IGSF5: variants seen among roughly 807,000 people sequenced by gnomAD.
The protein encoded by IGSF5 is immunoglobulin superfamily member 5, also known as immunoglobulin superfamily 5 like.
IGSF5 carries 41 observed loss-of-function variants against 39.4 expected under a neutral mutation model. That is an observed-to-expected ratio of 1.04 (90% CI 0.81 to 1.35). The LOEUF (loss-of-function observed/expected upper bound fraction) is 1.35. IGSF5 is among the 40% of genes most tolerant of loss of function. The pLI, the probability that IGSF5 is intolerant of heterozygous loss-of-function variation, is 0.00. For synonymous variants in IGSF5, 183 were observed against 175.3 expected, an observed-to-expected ratio of 1.04 and a Z score of -0.34; for missense variants, 487 against 494.6, an observed-to-expected ratio of 0.98 and a Z score of 0.15.
At chr21:39,783,949 G>A (rs2080184242) in intron 5 of IGSF5, among the ~76,000 whole-genome samples, 1 of 152,068 alleles carries the variant, frequency 6.6e-6, no homozygotes, top group Admixed American at 6.5e-5. Flanking sequence ...TCATTCTTTT[G>A]TATATGGATA....
At chr21:39,795,399 C>T (rs1319964153) in intron 8 of IGSF5, among the ~76,000 whole-genome samples, 1 of 152,096 alleles carries the variant, frequency 6.6e-6, no homozygotes, top group Non-Finnish European at 1.5e-5. Flanking sequence ...ACCATGATTT[C>T]CACAGCCCTT....
intron 5 of IGSF5, among the ~76,000 whole-genome samples, chr21:39,785,971 G>T (rs1569257630): frequency 6.6e-6 from 1 of 151,900 alleles, no homozygotes. Context: ...ATGGATTAAA[G>T]ACTTAAACGT....
At chr21:39,787,520 C>A (rs1203714391) in intron 5 of IGSF5, among the ~76,000 whole-genome samples, 2 of 146,864 alleles carry the variant, frequency 1.4e-5, no homozygotes. Context: ...TATGGATCCA[C>A]TGACTAAAAA....
chr21:39,782,913 A>G (rs2080178993), intron 5 of IGSF5, among the ~76,000 whole-genome samples: 1 of 151,960 alleles, frequency 6.6e-6, no homozygotes, highest in African/African-American at 2.4e-5. Context: ...TGATCCCCAC[A>G]ATTATAATCT....
rs1181617981 is a variant in IGSF5, at chr21:39,745,542, TG to T, written c.17+19del. Reference sequence around the variant, plus strand: ...AGAAGGAAAGGTAAGGGCGCATGCGTGGGCGACTGTTGAGTAGAGACTTCTG... The same window carrying T: ...AGAAGGAAAGGTAAGGGCGCATGCGTGGCGACTGTTGAGTAGAGACTTCTG... On this transcript the variant is annotated intron_variant, in intron 1 of 8. Coordinates refer to ENST00000380588, the MANE Select transcript of IGSF5 (RefSeq NM_001080444.2). 3.6e-5 allele frequency: 26 copies of T among 716,894 alleles called. No homozygotes were observed. In the Admixed American group the frequency reaches 5.2e-4, roughly 14 times the overall value. 44.4% of individuals were successfully genotyped at this position (716,894 alleles called of 1,614,324 possible). A position where few individuals can be genotyped will look rare whatever the true frequency, so the allele number is the denominator to read the frequency against.
At chr21:39,759,866 CAA>C (rs1307376560) in intron 2 of IGSF5, among the ~76,000 whole-genome samples, 14 of 61,474 alleles carry the variant, frequency 2.3e-4, no homozygotes, top group Middle Eastern at 0.01. Flanking sequence ...GACTCCGTCT[CAA>C]AAAAAAAAAA....
At chr21:39,765,393 T>G (rs1306695972) in intron 2 of IGSF5, 142 bp from the exon 3 acceptor site, 6 of 688,238 alleles carry the variant, frequency 8.7e-6, no homozygotes, top group Non-Finnish European at 9.7e-6. Flanking sequence ...GGAGAGCTGG[T>G]GTTCGGATTC....
chr21:39,780,177 T>C (rs758877719), intron 5 of IGSF5, among the ~76,000 whole-genome samples: 3 of 146,938 alleles, frequency 2.0e-5, no homozygotes, highest in Non-Finnish European at 4.4e-5. Context: ...ACATAATTTT[T>C]ATTTGTCTGT....
chr21:39,793,683 G>A (rs2086978617), intron 8 of IGSF5, 70 bp downstream of exon 8: 2 of 1,256,088 alleles, frequency 1.6e-6, no homozygotes, highest in Non-Finnish European at 2.3e-6. Flanking sequence ...TGTTGTGGGT[G>A]ATTATAAAAT....
chr21:39,773,924 G>A (rs964395292), intron 4 of IGSF5, among the ~76,000 whole-genome samples: 3 of 152,178 alleles, frequency 2.0e-5, no homozygotes, highest in South Asian at 2.1e-4. Context: ...TTAGAGACTG[G>A]CTTGCTTGCA....
At chr21:39,774,527 G>T (rs2080130078) in intron 4 of IGSF5, among the ~76,000 whole-genome samples, 1 of 152,170 alleles carries the variant, frequency 6.6e-6, no homozygotes, top group Admixed American at 6.6e-5. Flanking sequence ...AAAACATACT[G>T]GGAGGGCTGA....
intron 4 of IGSF5, among the ~76,000 whole-genome samples, chr21:39,772,140 T>G (rs2080118253): frequency 6.6e-6 from 1 of 152,234 alleles, no homozygotes; most frequent in African/African-American, 2.4e-5. Flanking sequence ...CAGGCACTAT[T>G]CTGAGCACTT....
At chr21:39,733,568 C>G in the IGSF5 span, among the ~76,000 whole-genome samples, 1 of 152,180 alleles carries the variant, frequency 6.6e-6, no homozygotes, top group African/African-American at 2.4e-5. Flanking sequence ...AACATTTAGG[C>G]TACTTGGTTA....
rs550263279 is a variant in IGSF5, at chr21:39,770,321, G to T, written c.419-595G>T. Among the ~76,000 whole-genome samples the T allele has an allele frequency of 2.1e-4, 32 of 152,230 alleles. No individual in the cohort carries two copies. The South Asian group carries it at 6.0e-3, about 29-fold the overall frequency. ...TTATTCTGGCACATGATTTGGGTTA[G>T]TTATTTCTGTAAATATTAGATTGGA... On this transcript the variant is annotated intron_variant, in intron 3 of 8. Coordinates refer to ENST00000380588, the MANE Select transcript of IGSF5 (RefSeq NM_001080444.2).
At chr21:39,729,780 A>G in the IGSF5 span, 1 of 152,218 alleles carries the variant, frequency 6.6e-6, no homozygotes, top group African/African-American at 2.4e-5. Flanking sequence ...TCTCCTAAAA[A>G]GCAGTCCTTT....
At chr21:39,743,599 AGAG>A (rs201035573), upstream of IGSF5, among the ~76,000 whole-genome samples, 111 of 129,828 alleles carry the variant, frequency 8.5e-4, no homozygotes, top group African/African-American at 2.9e-3. Flanking sequence ...TTTGGGCTGA[AGAG>A]GGGGTTCTTA....
chr21:39,740,620 T>C (rs1393087561), upstream of IGSF5, among the ~76,000 whole-genome samples: 1 of 152,202 alleles, frequency 6.6e-6, no homozygotes. Context: ...GAAGTCCTTT[T>C]TCTACAAAGG....
At chr21:39,742,565 C>A (rs1406451081), upstream of IGSF5, among the ~76,000 whole-genome samples, 4 of 152,122 alleles carry the variant, frequency 2.6e-5, no homozygotes, top group Non-Finnish European at 5.9e-5. Context: ...ACTCAGAGGA[C>A]CTTCATCCCC....
chr21:39,740,210 A>G (rs1569244056), upstream of IGSF5, among the ~76,000 whole-genome samples: 2 of 152,200 alleles, frequency 1.3e-5, no homozygotes, highest in Admixed American at 6.5e-5. Flanking sequence ...GGGTCCTTCT[A>G]TAAGCATTTC....
Sources: gnomAD v4.1 joint callset for allele counts (sites outside exome capture counted in the v4.1 genomes callset) on GRCh38, gnomAD v4.1.1 for gene constraint, MANE v1.5 for transcripts, NCBI Gene and HGNC (gene_info 2026-07-23, HGNC 2026-07-21) for gene names.